SCN2A: variants seen among roughly 807,000 people sequenced by gnomAD.
The protein encoded by SCN2A is sodium voltage-gated channel alpha subunit 2, also known as sodium channel protein type 2 subunit alpha.
A neutral mutation model predicts 188.7 loss-of-function variants in SCN2A; 20 were observed. That is an observed-to-expected ratio of 0.11 (90% confidence interval 0.07 to 0.15). The LOEUF (loss-of-function observed/expected upper bound fraction) is 0.15, where lower values mean the gene tolerates loss of function less well. Among genes scored for constraint, SCN2A ranks in the 10% least tolerant of loss-of-function variants. SCN2A has a pLI of 1.00. For synonymous variants in SCN2A, 804 were observed against 833.1 expected, an observed-to-expected ratio of 0.97 and a Z score of 0.60; for missense variants, 1,278 against 2,445.0, an observed-to-expected ratio of 0.52 and a Z score of 10.07.
intron 14 of SCN2A, among the ~76,000 whole-genome samples, chr2:165,332,249 A>G (rs1213147168): frequency 1.3e-5 from 2 of 152,152 alleles, no homozygotes; most frequent in Admixed American, 6.5e-5. Flanking sequence ...AAATGAACAT[A>G]TAAGCAGGTT....
At chr2:165,337,390 C>A (rs1699059094) in intron 14 of SCN2A, among the ~76,000 whole-genome samples, 1 of 151,948 alleles carries the variant, frequency 6.6e-6, no homozygotes, top group South Asian at 2.1e-4. Context: ...AAGAATGGAA[C>A]AGAGCAAATA....
At chr2:165,268,002 T>C (rs1694947515) in intron 1 of SCN2A, 2 of 152,086 alleles carry the variant, frequency 1.3e-5, no homozygotes, top group South Asian at 4.1e-4. Flanking sequence ...GTTGGTGGGA[T>C]TGTAAATTAG....
chr2:165,253,367 T>C (rs1046256161), intron 1 of SCN2A, among the ~76,000 whole-genome samples: 2 of 152,118 alleles, frequency 1.3e-5, no homozygotes, highest in African/African-American at 4.8e-5. Context: ...CCAGATTGAT[T>C]TGTGATAATA....
chr2:165,246,651 C>G (rs894130972), intron 1 of SCN2A, among the ~76,000 whole-genome samples: 1 of 152,128 alleles, frequency 6.6e-6, no homozygotes, highest in African/African-American at 2.4e-5. Flanking sequence ...TCACAAACTC[C>G]TCCGCTCAGT....
chr2:165,346,436 C>T (rs1699591058), intron 16 of SCN2A, among the ~76,000 whole-genome samples: 1 of 152,128 alleles, frequency 6.6e-6, no homozygotes, highest in Non-Finnish European at 1.5e-5. Flanking sequence ...ATCTTATCTT[C>T]ATGCTTTACA....
intron 17 of SCN2A, among the ~76,000 whole-genome samples, chr2:165,360,378 A>G (rs1038234674): frequency 2.6e-5 from 4 of 152,002 alleles, no homozygotes; most frequent in African/African-American, 9.7e-5. Flanking sequence ...AGTTGGAAGT[A>G]TAATATCTAA....
At chr2:165,294,134 G>T (rs1696369148) in intron 1 of SCN2A, 1 of 977,454 alleles carries the variant, frequency 1.0e-6, no homozygotes, top group South Asian at 4.7e-5. Flanking sequence ...GATTCTACAG[G>T]GGTAATGTTT....
At chr2:165,377,246 A>G (rs990795917) in intron 22 of SCN2A, among the ~76,000 whole-genome samples, 3 of 152,026 alleles carry the variant, frequency 2.0e-5, no homozygotes. Context: ...AGCTTGTCTC[A>G]TGCTGCTACT....
intron 13 of SCN2A, 107 bp downstream of exon 13, chr2:165,327,091 T>G: frequency 7.6e-7 from 1 of 1,320,042 alleles, no homozygotes; most frequent in Non-Finnish European, 1.1e-6. Flanking sequence ...GTATCATTAT[T>G]ACACATTTTA....
At chr2:165,352,178 CCTTT>C (rs1366148807) in intron 16 of SCN2A, among the ~76,000 whole-genome samples, 1 of 152,014 alleles carries the variant, frequency 6.6e-6, no homozygotes, top group South Asian at 2.1e-4. Flanking sequence ...ATTTTTTCTT[CCTTT>C]GTCTGTTTTT....
chr2:165,258,248 G>A lies in SCN2A; in HGVS notation c.-52+18608G>A, dbSNP rs117387245. Among the ~76,000 whole-genome samples, 35 of 152,198 alleles carry A rather than the reference G, an allele frequency of 2.3e-4. 1 individual carries two copies. The East Asian group carries it at 6.6e-3, about 29-fold the overall frequency. On this transcript the variant is annotated intron_variant, in intron 1 of 26. Coordinates refer to ENST00000375437, the MANE Select transcript of SCN2A (RefSeq NM_001040142.2). Reference sequence around the variant, plus strand: ...TCATGAAACTTTTGCCAGATCCTGTGTCTGGAATGGTATTTATGAGCTTAC... The same window carrying A: ...TCATGAAACTTTTGCCAGATCCTGTATCTGGAATGGTATTTATGAGCTTAC...
chr2:165,302,906 C>A (rs1289018600), intron 3 of SCN2A, among the ~76,000 whole-genome samples: 1 of 152,144 alleles, frequency 6.6e-6, no homozygotes, highest in Non-Finnish European at 1.5e-5. Context: ...TGCCAACTCG[C>A]AGGTTAGTAT....
At chr2:165,305,250 G>C (rs1172512656) in intron 3 of SCN2A, among the ~76,000 whole-genome samples, 2 of 152,148 alleles carry the variant, frequency 1.3e-5, no homozygotes, top group Admixed American at 1.3e-4. Flanking sequence ...GTAATTAGCA[G>C]GAATGGAGGG....
intron 2 of SCN2A, 50 bp from the exon 3 acceptor site, chr2:165,296,966 TC>T: frequency 1.1e-6 from 1 of 935,380 alleles, no homozygotes. Context: ...CTTAAAATAT[TC>T]TTAATATATA....
chr2:165,356,714 T>A (rs1225615447), intron 17 of SCN2A, among the ~76,000 whole-genome samples: 1 of 152,206 alleles, frequency 6.6e-6, no homozygotes, highest in Non-Finnish European at 1.5e-5. Context: ...TCCAGTCTTC[T>A]TAACTTTAAG....
chr2:165,381,898 C>A (rs145129021), intron 25 of SCN2A, among the ~76,000 whole-genome samples: 29 of 152,086 alleles, frequency 1.9e-4, no homozygotes, highest in Admixed American at 3.3e-4. Flanking sequence ...TCTTCCCCAA[C>A]GTATACGTGG....
chr2:165,387,544 T>C (rs940350601), intron 26 of SCN2A, among the ~76,000 whole-genome samples: 11 of 152,188 alleles, frequency 7.2e-5, no homozygotes, highest in African/African-American at 2.2e-4. Flanking sequence ...TGGAAGCAGA[T>C]AGTTTGTTTG....
chr2:165,292,621 A>G (rs1322514320), intron 1 of SCN2A, among the ~76,000 whole-genome samples: 1 of 152,214 alleles, frequency 6.6e-6, no homozygotes, highest in Non-Finnish European at 1.5e-5. Flanking sequence ...TTTTCCAATG[A>G]AAATGATGAA....
intron 24 of SCN2A, 99 bp from the exon 25 acceptor site, chr2:165,380,993 TA>T: frequency 1.2e-6 from 1 of 813,436 alleles, no homozygotes; most frequent in Admixed American, 2.2e-5. Context: ...TTAGTAACAA[TA>T]GAATGAAATG....
Sources: gnomAD v4.1 joint callset for allele counts (sites outside exome capture counted in the v4.1 genomes callset) on GRCh38, gnomAD v4.1.1 for gene constraint, MANE v1.5 for transcripts, NCBI Gene and HGNC (gene_info 2026-07-23, HGNC 2026-07-21) for gene names.